TDG: variants seen among roughly 807,000 people sequenced by gnomAD.
TDG encodes G/T mismatch-specific thymine DNA glycosylase.
In TDG, 23 loss-of-function variants were observed where a neutral mutation model predicts 46.1. The ratio of observed to expected loss-of-function variants is 0.50; its 90% confidence interval spans 0.36 to 0.71. The LOEUF is 0.71. Among genes scored for constraint, TDG ranks in the 30% least tolerant of loss-of-function variants. TDG has a pLI of 0.00. For synonymous variants in TDG, 115 were observed against 161.3 expected (o/e 0.71, Z 2.18); for missense variants, 304 against 486.7 (o/e 0.62, Z 3.53).
At chr12:103,966,830 ACT>A (rs1391599433) in intron 1 of TDG, among the ~76,000 whole-genome samples, 1 of 152,096 alleles carries the variant, frequency 6.6e-6, no homozygotes, top group East Asian at 1.9e-4. Flanking sequence ...AATTATCCTG[ACT>A]CTCAGTGGCT....
chr12:103,980,931 G>C lies in TDG; in HGVS notation c.447G>C (p.Gly149=). ...CGGGACTAATGGCTGCTTACAAAGG[G>C]CATCATTACCCTGGACCTGGAAACC... The part of the protein sequence containing the change: ...INPGLMAAYK[G]HHYPGPGNHF... Residue 149 remains glycine, a synonymous_variant, in exon 4 of 10, where the codon GGG becomes GGC. Coordinates refer to ENST00000392872, the MANE Select transcript of TDG (RefSeq NM_003211.6). 3 of 1,613,564 alleles carry C rather than the reference G, an allele frequency of 1.9e-6. No individual in the cohort carries two copies. The highest frequency in any genetic ancestry group is 2.5e-6 in the Non-Finnish European group (3 of 1,179,952).
intron 8 of TDG, among the ~76,000 whole-genome samples, chr12:103,985,166 T>TATAC (rs1555275233): frequency 7.2e-6 from 1 of 138,506 alleles, no homozygotes; most frequent in Non-Finnish European, 1.6e-5. Flanking sequence ...TATAGACACA[T>TATAC]ACACACACAC....
In TDG at chr12:103,982,784, A is replaced by G. The variant is rs1593516949; in HGVS notation, c.479-15A>G. The G allele has an allele frequency of 6.2e-7, 1 of 1,610,654 alleles. No individual in the cohort carries two copies. The highest frequency in any genetic ancestry group is 8.5e-7 in the Non-Finnish European group (1 of 1,179,456). ...TGTCTAAAAAAAAATAAATAACTGAATTTTCATTTTACAGGGAAGTGTTTG... is the reference window on the plus strand; with the variant it reads ...TGTCTAAAAAAAAATAAATAACTGAGTTTTCATTTTACAGGGAAGTGTTTG... On this transcript the variant is annotated splice_polypyrimidine_tract_variant and intron_variant, in intron 4 of 9. Coordinates refer to ENST00000392872, the MANE Select transcript of TDG (RefSeq NM_003211.6).
chr12:103,966,450 C>T (rs1210070459), intron 1 of TDG, among the ~76,000 whole-genome samples: 1 of 152,188 alleles, frequency 6.6e-6, no homozygotes, highest in African/African-American at 2.4e-5. Context: ...ATTTCCAGCT[C>T]CAGGAGTTTT....
At chr12:103,985,495 A>G in intron 8 of TDG, 108 bp from the exon 9 acceptor site, 2 of 1,229,746 alleles carry the variant, frequency 1.6e-6, no homozygotes, top group Non-Finnish European at 2.2e-6. Context: ...GATGTATCTC[A>G]GTGTATATGA....
chr12:103,975,440 T>G (rs997320259), intron 1 of TDG, among the ~76,000 whole-genome samples: 6 of 152,190 alleles, frequency 3.9e-5, no homozygotes, highest in Non-Finnish European at 8.8e-5. Flanking sequence ...TGGCTCCTAC[T>G]TCTGGAGCCT....
Position 103,966,067 on chromosome 12 carries a change from C to A in TDG, c.23+7C>A, listed in dbSNP as rs1387696913. The A allele has an allele frequency of 6.3e-7, 1 of 1,577,272 alleles. No individual in the cohort carries two copies. The highest frequency in any genetic ancestry group is 1.4e-5 in the African/African-American group (1 of 73,144). ...AAGCGGAGAACGCGGGCAGGTAATA[C>A]CGGGGCCAGCGCCGCCCCTCCCTTG... On this transcript the variant is annotated splice_region_variant and intron_variant, in intron 1 of 9. Coordinates refer to ENST00000392872, the MANE Select transcript of TDG (RefSeq NM_003211.6).
intron 2 of TDG, among the ~76,000 whole-genome samples, chr12:103,979,161 G>A (rs1157840889): frequency 7.8e-6 from 1 of 128,808 alleles, no homozygotes; most frequent in East Asian, 2.5e-4. Context: ...GGAATGCAGA[G>A]GCATGATCTC....
Position 103,976,905 on chromosome 12 carries a change from A to G in TDG, c.24-13A>G, listed in dbSNP as rs1323807631. 5 of 1,611,954 alleles carry G rather than the reference A, an allele frequency of 3.1e-6. No homozygotes were observed. In the East Asian group the frequency reaches 1.1e-4, roughly 36 times the overall value. ...ATTTTATCATTACATCTCATGCTTCATTATTCTTTCAGCTATTCCCTTCAG... is the reference window on the plus strand; with the variant it reads ...ATTTTATCATTACATCTCATGCTTCGTTATTCTTTCAGCTATTCCCTTCAG... On this transcript the variant is annotated splice_polypyrimidine_tract_variant and intron_variant, in intron 1 of 9. Coordinates refer to ENST00000392872, the MANE Select transcript of TDG (RefSeq NM_003211.6).
chr12:103,985,218 A>G (rs1209146960), intron 8 of TDG, among the ~76,000 whole-genome samples: 2 of 135,882 alleles, frequency 1.5e-5, no homozygotes, highest in Non-Finnish European at 3.3e-5. Context: ...CATTACAGAA[A>G]GTATCTTATG....
At chr12:103,983,086 A>G (rs761296969) in intron 5 of TDG, 50 bp from the exon 6 acceptor site, 2 of 1,552,396 alleles carry the variant, frequency 1.3e-6, no homozygotes, top group Admixed American at 2.1e-5. Context: ...TTAGCATATT[A>G]TAAATATTGT....
chr12:103,980,816 C>A, intron 3 of TDG, 77 bp from the exon 4 acceptor site: 1 of 1,297,952 alleles, frequency 7.7e-7, no homozygotes, highest in Non-Finnish European at 1.1e-6. Flanking sequence ...TCAATTTTGT[C>A]CACCACTCCT....
intron 1 of TDG, among the ~76,000 whole-genome samples, chr12:103,969,346 T>C (rs1871192707): frequency 6.6e-6 from 1 of 152,194 alleles, no homozygotes; most frequent in Non-Finnish European, 1.5e-5. Context: ...CTGCCTCTCT[T>C]AGTGAGCAAG....
chr12:103,985,250 A>G (rs1339175734), intron 8 of TDG, among the ~76,000 whole-genome samples: 1 of 151,956 alleles, frequency 6.6e-6, no homozygotes, highest in Non-Finnish European at 1.5e-5. Context: ...AGGAAAAAAG[A>G]AAACAATTAT....
intron 7 of TDG, 62 bp from the exon 8 acceptor site, chr12:103,984,687 C>T (rs1872017689): frequency 7.8e-7 from 1 of 1,279,890 alleles, no homozygotes; most frequent in East Asian, 2.8e-5. Flanking sequence ...ATATTCTAAT[C>T]TCAATGAGTG....
At chr12:103,986,039 C>T (rs1872137832) in intron 9 of TDG, among the ~76,000 whole-genome samples, 1 of 152,134 alleles carries the variant, frequency 6.6e-6, no homozygotes, top group African/African-American at 2.4e-5. Context: ...CCTGCCTCAG[C>T]CTCCCGAGTA....
At chr12:103,974,970 G>A (rs1353041428) in intron 1 of TDG, among the ~76,000 whole-genome samples, 7 of 108,202 alleles carry the variant, frequency 6.5e-5, no homozygotes, top group African/African-American at 2.5e-4. Context: ...GCGAGACTCC[G>A]TCTCAAAAAA....
At chr12:103,981,916 G>A (rs1303872878) in intron 4 of TDG, among the ~76,000 whole-genome samples, 2 of 152,090 alleles carry the variant, frequency 1.3e-5, no homozygotes, top group African/African-American at 4.8e-5. Context: ...ACGGAGGCTG[G>A]GTTGGGAAAA....
At chr12:103,983,010 A>G in intron 5 of TDG, 76 bp downstream of exon 5, 3 of 1,594,290 alleles carry the variant, frequency 1.9e-6, no homozygotes, top group Non-Finnish European at 2.6e-6. Context: ...GGAACATCAT[A>G]TGTATCTAGT....
Sources: gnomAD v4.1 joint callset for allele counts (sites outside exome capture counted in the v4.1 genomes callset) on GRCh38, gnomAD v4.1.1 for gene constraint, MANE v1.5 for transcripts, NCBI Gene and HGNC (gene_info 2026-07-23, HGNC 2026-07-21) for gene names.